Variants in MATCAP2 observed in about 807,000 individuals in gnomAD.
MATCAP2 encodes microtubule associated tyrosine carboxypeptidase 2.
chr7:36,383,839 T>C, the MATCAP2 span: 5 of 1,516,972 alleles, frequency 3.3e-6, no homozygotes, highest in Non-Finnish European at 4.5e-6. Flanking sequence ...GTAAAAGAAG[T>C]GGCCCTTCAG....
At chr7:36,352,160 C>T in the MATCAP2 span, among the ~76,000 whole-genome samples, 3 of 150,708 alleles carry the variant, frequency 2.0e-5, no homozygotes, top group East Asian at 5.9e-4. Context: ...CTTTGGGAGG[C>T]CGAGGTGGGT....
chr7:36,376,012 A>G, the MATCAP2 span, among the ~76,000 whole-genome samples: 1 of 151,796 alleles, frequency 6.6e-6, no homozygotes, highest in Non-Finnish European at 1.5e-5. Context: ...GCGGTTTATC[A>G]ATTTTGTTGA....
At chr7:36,336,345 T>C in the MATCAP2 span, 1 of 1,323,578 alleles carries the variant, frequency 7.6e-7, no homozygotes, top group Non-Finnish European at 1.0e-6. Flanking sequence ...CATATTACTT[T>C]GAGATGTCAT....
the MATCAP2 span, among the ~76,000 whole-genome samples, chr7:36,353,226 C>T: frequency 2.6e-5 from 4 of 152,080 alleles, no homozygotes; most frequent in Admixed American, 2.6e-4. Flanking sequence ...CTGCAGTGAG[C>T]TATGATCACA....
chr7:36,345,108 G>A, the MATCAP2 span, among the ~76,000 whole-genome samples: 8 of 152,054 alleles, frequency 5.3e-5, no homozygotes, highest in Non-Finnish European at 1.2e-4. Flanking sequence ...ATAGTATAAC[G>A]GAATCTACTC....
chr7:36,349,678 C>A, the MATCAP2 span, among the ~76,000 whole-genome samples: 4 of 152,214 alleles, frequency 2.6e-5, no homozygotes, highest in Non-Finnish European at 5.9e-5. Flanking sequence ...TGCCTAAATA[C>A]CGCAGACTAT....
the MATCAP2 span, among the ~76,000 whole-genome samples, chr7:36,350,275 T>C: frequency 6.6e-6 from 1 of 152,194 alleles, no homozygotes; most frequent in Non-Finnish European, 1.5e-5. Context: ...TAAAGCACAA[T>C]AATGTAATAT....
chr7:36,336,232 A>G, the MATCAP2 span: 13 of 1,534,310 alleles, frequency 8.5e-6, no homozygotes, highest in African/African-American at 1.4e-4. Context: ...AGCTACCACC[A>G]GTGGCTTGTT....
the MATCAP2 span, among the ~76,000 whole-genome samples, chr7:36,385,641 C>T: frequency 6.6e-6 from 1 of 151,824 alleles, no homozygotes. Context: ...TAAAAAGTAG[C>T]GGGTTGTGGT....
chr7:36,337,098 C>CAAAGAAAAAAAA, the MATCAP2 span, among the ~76,000 whole-genome samples: 1 of 18,522 alleles, frequency 5.4e-5, no homozygotes, highest in Non-Finnish European at 8.3e-5. Flanking sequence ...AACTCCATCT[C>CAAAGAAAAAAAA]AAAAAAAAAA....
the MATCAP2 span, among the ~76,000 whole-genome samples, chr7:36,373,925 C>G: frequency 6.6e-6 from 1 of 152,090 alleles, no homozygotes; most frequent in Admixed American, 6.6e-5. Context: ...GCTGGGACTA[C>G]AGGTGCCAGC....
At chr7:36,355,707 C>A in the MATCAP2 span, 1 of 152,188 alleles carries the variant, frequency 6.6e-6, no homozygotes, top group African/African-American at 2.4e-5. Context: ...ATAGGACATG[C>A]ACCACAGGCG....
the MATCAP2 span, among the ~76,000 whole-genome samples, chr7:36,347,488 A>C: frequency 1.3e-5 from 2 of 152,214 alleles, no homozygotes; most frequent in Non-Finnish European, 2.9e-5. Context: ...ACCTGGTTTT[A>C]CATTGGGGCC....
chr7:36,326,293 A>G, the MATCAP2 span: 1 of 152,268 alleles, frequency 6.6e-6, no homozygotes, highest in African/African-American at 2.4e-5. Flanking sequence ...ATATATAGCT[A>G]GCTTTTTGGA....
the MATCAP2 span, among the ~76,000 whole-genome samples, chr7:36,332,813 G>A: frequency 6.6e-6 from 1 of 152,190 alleles, no homozygotes; most frequent in African/African-American, 2.4e-5. Context: ...TTCAGTCCCA[G>A]CTACTTGGGA....
At chr7:36,369,475 G>A in the MATCAP2 span, among the ~76,000 whole-genome samples, 4 of 152,152 alleles carry the variant, frequency 2.6e-5, no homozygotes. Context: ...CAAATTTCTA[G>A]TTTTTAAAGT....
chr7:36,362,379 G>A, the MATCAP2 span, among the ~76,000 whole-genome samples: 3 of 152,184 alleles, frequency 2.0e-5, no homozygotes, highest in Non-Finnish European at 4.4e-5. Flanking sequence ...GAGCAATTCA[G>A]TGCTGCTCTA....
At chr7:36,380,333 G>A in the MATCAP2 span, among the ~76,000 whole-genome samples, 3 of 152,156 alleles carry the variant, frequency 2.0e-5, no homozygotes, top group Non-Finnish European at 4.4e-5. Flanking sequence ...AAATGTGATC[G>A]AGACTGTGAT....
chr7:36,334,103 T>C, the MATCAP2 span: 1 of 1,614,152 alleles, frequency 6.2e-7, no homozygotes, highest in Non-Finnish European at 8.5e-7. Context: ...GTTTTTTACG[T>C]CCAGTCCAAC....
Sources: allele counts gnomAD v4.1 joint callset (sites outside exome capture counted in the v4.1 genomes callset), GRCh38; gene constraint gnomAD v4.1.1; transcripts MANE v1.5; gene names NCBI Gene and HGNC (gene_info 2026-07-23, HGNC 2026-07-21).